Variants in USP45 observed in about 807,000 individuals in gnomAD.
The protein encoded by USP45 is ubiquitin specific peptidase 45.
In USP45, 89 loss-of-function variants were observed where a neutral mutation model predicts 95.8. The ratio of observed to expected loss-of-function variants is 0.93; its 90% CI spans 0.78 to 1.11. The LOEUF is 1.11. Among genes scored for constraint, USP45 ranks in the 50% least tolerant of loss-of-function variants. The probability of loss-of-function intolerance (pLI) is 0.00; values close to 1 mark genes in which losing one functional copy is unlikely to be tolerated. For missense variants in USP45, 898 were observed against 942.5 expected (o/e 0.95, Z 0.62); for synonymous variants, 281 against 316.2 (o/e 0.89, Z 1.18).
rs892115444 is a variant in USP45 at position 99,466,881 on chromosome 6, A to G, written c.1016-118T>C. 3.2e-5 allele frequency: 22 copies of G among 685,908 alleles called. No individual in the cohort carries two copies. The South Asian group carries it at 3.7e-4, about 12-fold the overall frequency. The allele number at this position is 685,908 out of a possible 1,614,324, so 42.5% of individuals were successfully genotyped here. On this transcript the variant is annotated intron_variant, in intron 10 of 17. Transcript: ENST00000500704. ...AATAAGATATTCTGTACTACATTTA[A>G]TAATACATTTTACTATACATACAAC...
At position 99,488,758 on chromosome 6, in the gene USP45, C is replaced by T; in HGVS notation, c.541G>A (p.Gly181Arg). 1.2e-6 allele frequency: 2 copies of T among 1,605,954 alleles called. No individual in the cohort carries two copies. Among genetic ancestry groups the T allele is most frequent in the Non-Finnish European group, 1.7e-6 (2 of 1,176,996 alleles). Residue 181 changes from glycine (G) to arginine (R), a missense_variant, in exon 6 of 18, where the codon GGA becomes AGA. Coordinates refer to ENST00000500704, the MANE Select transcript of USP45 (RefSeq NM_001346022.3). ...ACAGATAAATTTCTGCATTTTCCTCCCTTCTGTATTTCATCTGTTTCACAT... is the reference window on the plus strand; with the variant it reads ...ACAGATAAATTTCTGCATTTTCCTCTCTTCTGTATTTCATCTGTTTCACAT... The part of the protein sequence containing the change: ...EKCETDEIQK[G>R]GKCRNLSVRG...
intron 4 of USP45, among the ~76,000 whole-genome samples, chr6:99,506,037 T>A (rs1798457695): frequency 6.6e-6 from 1 of 152,180 alleles, no homozygotes; most frequent in Non-Finnish European, 1.5e-5. Context: ...TACTTGGGAC[T>A]CACAACAACA....
intron 13 of USP45, among the ~76,000 whole-genome samples, chr6:99,449,789 T>A (rs1324440893): frequency 2.0e-5 from 3 of 152,176 alleles, no homozygotes; most frequent in Non-Finnish European, 4.4e-5. Flanking sequence ...AGTCAAGCAC[T>A]CCTCAGCAAA....
At chr6:99,461,747 C>A (rs1027830460) in intron 13 of USP45, 24 of 984,690 alleles carry the variant, frequency 2.4e-5, no homozygotes, top group Non-Finnish European at 6.0e-6. Context: ...AGTACTTGTG[C>A]CTCTAGTATA....
intron 13 of USP45, among the ~76,000 whole-genome samples, chr6:99,460,259 T>C (rs1786099490): frequency 6.6e-6 from 1 of 152,164 alleles, no homozygotes. Flanking sequence ...ACCTCTATTA[T>C]TAAAAGATGC....
chr6:99,506,624 T>A (rs1798585745), intron 4 of USP45, among the ~76,000 whole-genome samples: 1 of 152,202 alleles, frequency 6.6e-6, no homozygotes, highest in African/African-American at 2.4e-5. Context: ...CTTGTTTTAG[T>A]ACCTGGATTT....
intron 7 of USP45, among the ~76,000 whole-genome samples, chr6:99,485,067 C>T (rs779366139): frequency 7.9e-5 from 12 of 151,604 alleles, no homozygotes; most frequent in Admixed American, 2.0e-4. Context: ...CAGTGGCTCA[C>T]GCCTGTAATC....
At chr6:99,437,177 T>A in intron 17 of USP45, 69 bp downstream of exon 17, 1 of 1,478,772 alleles carries the variant, frequency 6.8e-7, no homozygotes. Context: ...AATAATAACT[T>A]AGCTCTCCCA....
Position 99,451,560 on chromosome 6 carries a change from A to G in USP45, c.1309-5097T>C, listed in dbSNP as rs545436535. ...AGAAACAAATGGAAGAACCTTCCAT[A>G]CTCATGGATAGGCAGAATCAATATT... is the stretch of plus-strand genomic sequence containing the variant. On this transcript the variant is annotated intron_variant, in intron 13 of 17. Transcript: ENST00000500704. Among the ~76,000 whole-genome samples the G allele has an allele frequency of 4.6e-5, 7 of 152,320 alleles. No individual in the cohort carries two copies. In the East Asian group the frequency reaches 1.4e-3, roughly 29 times the overall value.
chr6:99,511,802 A>G (rs1799870509), intron 1 of USP45, among the ~76,000 whole-genome samples: 1 of 144,260 alleles, frequency 6.9e-6, no homozygotes, highest in African/African-American at 2.6e-5. Context: ...TCTAAATATC[A>G]ATATGTGTGT....
intron 13 of USP45, among the ~76,000 whole-genome samples, chr6:99,464,290 G>A (rs1787328423): frequency 6.6e-6 from 1 of 152,144 alleles, no homozygotes; most frequent in Admixed American, 6.5e-5. Context: ...TAGGCAACAA[G>A]AGCAAAACTC....
chr6:99,483,086 T>C (rs1274890859), intron 7 of USP45, among the ~76,000 whole-genome samples: 1 of 152,200 alleles, frequency 6.6e-6, no homozygotes, highest in Non-Finnish European at 1.5e-5. Context: ...TCATATCCTC[T>C]GCCCTTTGCT....
At chr6:99,506,789 A>T (rs1007717822) in intron 4 of USP45, among the ~76,000 whole-genome samples, 2 of 152,222 alleles carry the variant, frequency 1.3e-5, no homozygotes, top group Non-Finnish European at 2.9e-5. Context: ...CCTTCAGAAA[A>T]TGACCTGACT....
intron 1 of USP45, among the ~76,000 whole-genome samples, chr6:99,511,359 TAGTC>T (rs1292735315): frequency 6.6e-6 from 1 of 151,744 alleles, no homozygotes; most frequent in Non-Finnish European, 1.5e-5. Context: ...TTCACTGTGT[TAGTC>T]AGAATGGTCT....
rs568490937 is a variant in USP45, at chr6:99,486,099, A to C, written c.714+2101T>G. 1.1e-4 allele frequency among the ~76,000 whole-genome samples: 16 copies of C among 152,300 alleles called. 1 individual carries two copies. The South Asian group carries it at 3.3e-3, about 32-fold the overall frequency. On this transcript the variant is annotated intron_variant, in intron 7 of 17. Coordinates refer to ENST00000500704, the MANE Select transcript of USP45 (RefSeq NM_001346022.3). ...AAGGCTGACTGCTCCCATCATCTCT[A>C]TTCAACATGTTACTGGAGCTCTGAG...
intron 14 of USP45, 35 bp from the exon 15 acceptor site, chr6:99,443,697 C>G: frequency 1.5e-6 from 2 of 1,291,452 alleles, no homozygotes; most frequent in Non-Finnish European, 2.1e-6. Flanking sequence ...TTATAAAATT[C>G]CATTTTATAC....
chr6:99,512,772 CCT>C (rs1800174212), intron 1 of USP45, among the ~76,000 whole-genome samples: 1 of 152,158 alleles, frequency 6.6e-6, no homozygotes, highest in Non-Finnish European at 1.5e-5. Flanking sequence ...ATGTAAAAAG[CCT>C]CTGAGTTCCT....
chr6:99,448,499 T>G (rs1783052859), intron 13 of USP45, among the ~76,000 whole-genome samples: 1 of 151,982 alleles, frequency 6.6e-6, no homozygotes, highest in African/African-American at 2.4e-5. Flanking sequence ...GAAAAAAGAA[T>G]AAAAAGAAAC....
At chr6:99,462,189 A>C (rs989877086) in intron 13 of USP45, 1 of 976,940 alleles carries the variant, frequency 1.0e-6, no homozygotes, top group African/African-American at 1.8e-5. Context: ...AAAAGTAACA[A>C]AAAATATTAT....
Sources: allele counts gnomAD v4.1 joint callset (sites outside exome capture counted in the v4.1 genomes callset), GRCh38; gene constraint gnomAD v4.1.1; transcripts MANE v1.5; gene names NCBI Gene and HGNC (gene_info 2026-07-23, HGNC 2026-07-21).